The following DCLK3 variants were observed in gnomAD, a reference collection of about 807,000 sequenced individuals.
The protein encoded by DCLK3 is serine/threonine-protein kinase DCLK3.
Under a neutral mutation model 46.4 loss-of-function variants are expected in DCLK3, and 30 were observed. The ratio of observed to expected loss-of-function variants is 0.65; its 90% CI spans 0.48 to 0.88. The LOEUF (loss-of-function observed/expected upper bound fraction) is 0.88. Among genes scored for constraint, DCLK3 ranks in the 40% least tolerant of loss-of-function variants. The probability of loss-of-function intolerance (pLI) is 0.00; values close to 1 mark genes in which losing one functional copy is unlikely to be tolerated. For missense variants in DCLK3, 846 were observed against 907.1 expected, an observed-to-expected ratio of 0.93 and a Z score of 0.87; for synonymous variants, 401 against 339.2, an observed-to-expected ratio of 1.18 and a Z score of -2.00.
Position 36,737,378 on chromosome 3 carries a change from A to G in DCLK3, c.1789T>C (p.Tyr597His). The stretch of plus-strand genomic sequence containing the variant: ...CCCTGCACGTACTCCAGGATCAGGT[A>G]GATTTCCATGTCTGTTTCGTAGACT... ...HEVYETDMEIYLILEYVQGGD... is the reference protein window; with the variant it reads ...HEVYETDMEIHLILEYVQGGD... The change falls in exon 2 of 5, where the codon TAC becomes CAC. Residue 597 changes from tyrosine to histidine, a missense_variant. Transcript: ENST00000636136. The surrounding 1 kb of genome is among the most constrained non-coding windows in gnomAD (Gnocchi z 4.4). 6.2e-7 allele frequency: 1 copy of G among 1,614,222 alleles called. No individual in the cohort carries two copies. Among genetic ancestry groups the G allele is most frequent in the Non-Finnish European group, 8.5e-7 (1 of 1,180,044 alleles).
chr3:36,747,700 TC>T (rs1701404926), intron 1 of DCLK3, among the ~76,000 whole-genome samples: 1 of 152,176 alleles, frequency 6.6e-6, no homozygotes, highest in Non-Finnish European at 1.5e-5. Flanking sequence ...AGAGATCTTT[TC>T]TTGCATCTGC....
At chr3:36,758,028 T>TC (rs1222733646) in intron 1 of DCLK3, among the ~76,000 whole-genome samples, 1 of 151,904 alleles carries the variant, frequency 6.6e-6, no homozygotes, top group Non-Finnish European at 1.5e-5. Flanking sequence ...CCTTCCTCTC[T>TC]CCCCCTCAGC....
At chr3:36,758,078 T>TA (rs564137787) in intron 1 of DCLK3, among the ~76,000 whole-genome samples, 84 of 152,282 alleles carry the variant, frequency 5.5e-4, no homozygotes, top group African/African-American at 2.0e-3. Flanking sequence ...CTCTGAACCA[T>TA]AAAGCTGGTC....
chr3:36,715,413 G>C lies in DCLK3; in HGVS notation c.2369C>G (p.Thr790Arg). 6.2e-7 allele frequency: 1 copy of C among 1,614,108 alleles called. No homozygotes were observed. Among genetic ancestry groups the C allele is most frequent in the Non-Finnish European group, 8.5e-7 (1 of 1,179,990 alleles). The change falls in exon 5 of 5, where the codon ACA (threonine) becomes AGA (arginine). Residue 790 changes from threonine (T) to arginine (R), a missense_variant. Transcript: ENST00000636136. ...GGACACCTGCTTCTGTCGTTTCACT[G>C]TATTGGTCTTGCCAGCTGTTTCGAT... Reference protein sequence around the residue: ...PWIETAGKTNTVKRQKQVSPS... With the variant: ...PWIETAGKTNRVKRQKQVSPS...
rs573981873 is a variant in DCLK3 at position 36,748,441 on chromosome 3, C to T, written c.83-9357G>A. ...AGCAGAGTGAGAGGAGGACCAGCCA[C>T]CTGCCTTCCCCAGAACAGGCCCCAG... is the stretch of plus-strand genomic sequence containing the variant. On this transcript the variant is annotated intron_variant, in intron 1 of 4. Coordinates refer to ENST00000636136, the MANE Select transcript of DCLK3 (RefSeq NM_001394672.2). Among the ~76,000 whole-genome samples the T allele has an allele frequency of 2.6e-5, 4 of 152,274 alleles. No individual in the cohort carries two copies. The South Asian group carries it at 8.3e-4, about 32-fold the overall frequency.
chr3:36,757,183 G>A (rs184048207), intron 1 of DCLK3, among the ~76,000 whole-genome samples: 7 of 151,950 alleles, frequency 4.6e-5, no homozygotes, highest in African/African-American at 1.2e-4. Flanking sequence ...GTTTATTTTC[G>A]GTTTGTGAAA....
At chr3:36,730,911 G>A in intron 2 of DCLK3, among the ~76,000 whole-genome samples, 1 of 152,020 alleles carries the variant, frequency 6.6e-6, no homozygotes, top group Non-Finnish European at 1.5e-5. Context: ...AGGCCGAGGG[G>A]CATGCATGGT....
At chr3:36,744,724 C>A (rs1330984047) in intron 1 of DCLK3, among the ~76,000 whole-genome samples, 1 of 152,146 alleles carries the variant, frequency 6.6e-6, no homozygotes, top group East Asian at 1.9e-4. Context: ...CATCTCAAGG[C>A]CAAAGAGAAT....
chr3:36,715,342 C>G lies in DCLK3; in HGVS notation c.2440G>C (p.Glu814Gln). The G allele has an allele frequency of 1.2e-6, 2 of 1,614,114 alleles. No individual in the cohort carries two copies. The highest frequency in any genetic ancestry group is 3.3e-4 in the Middle Eastern group (2 of 6,058). The change falls in exon 5 of 5, where the codon GAG becomes CAG. Residue 814 changes from glutamate (E) to glutamine (Q), a missense_variant. By Grantham distance (29) the Glu-to-Gln change is conservative. Around this residue, in one of 3 missense-constraint regions of DCLK3, gnomAD observed 46 missense variants for 41.3 expected, o/e 1.11. Coordinates refer to ENST00000636136, the MANE Select transcript of DCLK3 (RefSeq NM_001394672.2). ...HFRSQHKRVVEQVS is the reference protein window; with the variant it reads ...HFRSQHKRVVQQVS ...CAAGGTGGTGACTATGATACCTGCT[C>G]CACAACCCTCTTGTGCTGGCTCCGG...
intron 1 of DCLK3, among the ~76,000 whole-genome samples, chr3:36,751,063 T>TAAA (rs5847933): frequency 0.15 from 11,545 of 76,066 alleles, 1,925 homozygotes; most frequent in East Asian, 0.42. Flanking sequence ...CGGGATGATC[T>TAAA]AAAAAAAAAA....
At chr3:36,739,178 G>C (rs1370992936) in intron 1 of DCLK3, 94 bp from the exon 2 acceptor site, 5 of 397,276 alleles carry the variant, frequency 1.3e-5, no homozygotes, top group Non-Finnish European at 2.2e-5. Context: ...ACTGACTCTA[G>C]CATTACAGTT....
intron 2 of DCLK3, among the ~76,000 whole-genome samples, chr3:36,723,711 C>A (rs1701090700): frequency 6.6e-6 from 1 of 152,174 alleles, no homozygotes; most frequent in Admixed American, 6.5e-5. Context: ...GCACAGAAGT[C>A]AAGAATTGGG....
intron 2 of DCLK3, among the ~76,000 whole-genome samples, chr3:36,728,372 G>C (rs1434940824): frequency 1.3e-5 from 2 of 152,118 alleles, no homozygotes; most frequent in African/African-American, 4.8e-5. Context: ...GGGGGTGGGG[G>C]GACGGTGTCT....
At position 36,715,324 on chromosome 3, in the gene DCLK3, G is replaced by A. The variant is rs200071698; in HGVS notation, c.*4C>T. 1.8e-3 allele frequency: 2,895 copies of A among 1,614,056 alleles called. 5 individuals carry two copies. The highest frequency in any genetic ancestry group is 2.1e-3 in the Non-Finnish European group (2,473 of 1,179,986). The stretch of plus-strand genomic sequence containing the variant: ...GGGGGCTGGACAGATTCCCAAGGTG[G>A]TGACTATGATACCTGCTCCACAACC... On this transcript the variant is annotated 3_prime_UTR_variant, in exon 5 of 5. Transcript: ENST00000636136.
chr3:36,730,184 C>T (rs1275969828), intron 2 of DCLK3, among the ~76,000 whole-genome samples: 2 of 133,668 alleles, frequency 1.5e-5, no homozygotes, highest in Non-Finnish European at 3.2e-5. Flanking sequence ...TATGTACATA[C>T]ACCATATATA....
intron 3 of DCLK3, among the ~76,000 whole-genome samples, chr3:36,720,917 T>C (rs911848488): frequency 6.6e-6 from 1 of 152,206 alleles, no homozygotes; most frequent in African/African-American, 2.4e-5. Flanking sequence ...ATCTTACCAA[T>C]GGTGGGTAAA....
intron 3 of DCLK3, among the ~76,000 whole-genome samples, chr3:36,719,955 G>A (rs1208976746): frequency 1.3e-5 from 2 of 152,164 alleles, no homozygotes; most frequent in Admixed American, 1.3e-4. Flanking sequence ...TCTCTAACCA[G>A]TCTTCCCATT....
intron 1 of DCLK3, among the ~76,000 whole-genome samples, chr3:36,741,083 T>A (rs574018611): frequency 6.6e-6 from 1 of 152,342 alleles, no homozygotes; most frequent in South Asian, 2.1e-4. Context: ...CATATGGACA[T>A]CTGTTATCCC....
chr3:36,725,341 G>T (rs1469889381), intron 2 of DCLK3, among the ~76,000 whole-genome samples: 3 of 151,024 alleles, frequency 2.0e-5, no homozygotes, highest in African/African-American at 7.3e-5. Context: ...GGTGGGGCAG[G>T]TGCAGTGGCT....
Sources: gnomAD v4.1 joint callset for allele counts (sites outside exome capture counted in the v4.1 genomes callset) on GRCh38, gnomAD v4.1.1 for gene constraint, gnomAD v4.1.1 regional missense constraint, Gnocchi (gnomAD v3.1) non-coding constraint, MANE v1.5 for transcripts, NCBI Gene and HGNC (gene_info 2026-07-23, HGNC 2026-07-21) for gene names.